The following CDK12 variants were observed in gnomAD, a reference collection of about 807,000 sequenced individuals.
CDK12 encodes cyclin-dependent kinase 12.
CDK12 carries 17 observed loss-of-function variants against 133.8 expected under a neutral mutation model. The observed-to-expected ratio is 0.13, with a 90% CI of 0.09 to 0.19. The LOEUF is 0.19. Among genes scored for constraint, CDK12 ranks in the 10% least tolerant of loss-of-function variants. CDK12 has a pLI of 1.00. For missense variants in CDK12, 1,508 were observed against 1,818.7 expected, an observed-to-expected ratio of 0.83 and a Z score of 3.11; for synonymous variants, 694 against 683.6, an observed-to-expected ratio of 1.02 and a Z score of -0.24.
chr17:39,471,904 T>C (rs1236536166), intron 2 of CDK12, 141 bp downstream of exon 2: 4 of 757,216 alleles, frequency 5.3e-6, no homozygotes, highest in Non-Finnish European at 8.4e-6. Context: ...TCTGTAATTA[T>C]GACATTATTA....
Position 39,519,581 on chromosome 17 carries a change from C to T in CDK12, c.2964-375C>T, listed in dbSNP as rs925574911. Among the ~76,000 whole-genome samples the T allele has an allele frequency of 1.5e-4, 22 of 150,536 alleles. No homozygotes were observed. In the South Asian group the frequency reaches 1.7e-3, roughly 12 times the overall value. On this transcript the variant is annotated intron_variant, in intron 10 of 13. Coordinates refer to ENST00000447079, the MANE Select transcript of CDK12 (RefSeq NM_016507.4). ...ACTGTAGGCATGAGCCACCATTGCA[C>T]ATCCTTTTTTTTTTTTTTTTTAAAA...
intron 11 of CDK12, among the ~76,000 whole-genome samples, chr17:39,522,360 T>C (rs1452311633): frequency 6.6e-6 from 1 of 152,204 alleles, no homozygotes; most frequent in Non-Finnish European, 1.5e-5. Context: ...GTGCTGGGAT[T>C]ACAGGCGTGA....
At chr17:39,478,461 T>TGGGATTGGAAGCATGAGCCAACGTGCC (rs2050386518) in intron 2 of CDK12, among the ~76,000 whole-genome samples, 7 of 152,170 alleles carry the variant, frequency 4.6e-5, no homozygotes, top group Non-Finnish European at 1.0e-4. Context: ...CCCATAGTGC[T>TGGGATTGGAAGCATGAGCCAACGTGCC]GGGATTGGAA....
chr17:39,537,813 C>T (rs1425724625), downstream of CDK12, among the ~76,000 whole-genome samples: 3 of 152,010 alleles, frequency 2.0e-5, no homozygotes, highest in East Asian at 1.9e-4. Context: ...CCACCCGCCT[C>T]GGCCTCCCAA....
chr17:39,511,248 G>A (rs1434218837), intron 7 of CDK12, among the ~76,000 whole-genome samples: 2 of 147,472 alleles, frequency 1.4e-5, no homozygotes, highest in African/African-American at 5.0e-5. Flanking sequence ...ATGAGATCTT[G>A]CTGTGTTGAC....
intron 2 of CDK12, among the ~76,000 whole-genome samples, chr17:39,555,197 A>T (rs2056107154): frequency 6.6e-6 from 1 of 152,058 alleles, no homozygotes; most frequent in African/African-American, 2.4e-5. Context: ...GTGAGCCGAG[A>T]TCGCACCACT....
In CDK12 at chr17:39,532,471, A is replaced by C. The variant is rs1005751390; in HGVS notation, c.*1155A>C. ...CATATATTTTTATGTCAAAAAAAAA[A>C]CAAAAACCTTTCAAACAGAGCATTG... On this transcript the variant is annotated 3_prime_UTR_variant, in exon 14 of 14. Transcript: ENST00000447079. 1.0e-4 allele frequency: 23 copies of C among 231,038 alleles called. No homozygotes were observed. The highest frequency in any genetic ancestry group is 1.6e-4 in the African/African-American group (7 of 44,994). The allele number at this position is 231,038 out of a possible 1,614,324, so 14.3% of individuals were successfully genotyped here.
At chr17:39,538,904 A>AATACATACATAC (rs199620122), downstream of CDK12, among the ~76,000 whole-genome samples, 328 of 145,000 alleles carry the variant, frequency 2.3e-3, no homozygotes, top group East Asian at 5.4e-3. Context: ...ATCTCAAATA[A>AATACATACATAC]ATACATACAT....
intron 5 of CDK12, among the ~76,000 whole-genome samples, chr17:39,496,782 T>C (rs2052150371): frequency 6.6e-6 from 1 of 152,110 alleles, no homozygotes. Context: ...TTATTTTCAT[T>C]GTATAGCATT....
Position 39,533,437 on chromosome 17 carries a change from C to G in CDK12, c.*2121C>G, listed in dbSNP as rs545742050. Reference sequence around the variant, plus strand: ...TGAATTTGAGTTATTGGGCCCCACTCCCTGTTTTTTATTAAAGAACGTGAG... The same window carrying G: ...TGAATTTGAGTTATTGGGCCCCACTGCCTGTTTTTTATTAAAGAACGTGAG... On this transcript the variant is annotated 3_prime_UTR_variant, in exon 14 of 14. Transcript: ENST00000447079. The G allele has an allele frequency of 8.6e-6, 2 of 233,110 alleles. No homozygotes were observed. The highest frequency in any genetic ancestry group is 1.7e-5 in the Non-Finnish European group (2 of 117,900). The allele number at this position is 233,110 out of a possible 1,614,324, so 14.4% of individuals were successfully genotyped here. A position where few individuals can be genotyped will look rare whatever the true frequency, so the allele number is the denominator to read the frequency against.
chr17:39,525,967 G>A lies in CDK12; in HGVS notation c.3411G>A (p.Leu1137=), dbSNP rs1163875386. ...TGAGCATCCCTCAAATGGCACAGCT[G>A]CTTAACATCCACTCCAACCCAGAGA... ...TDLSIPQMAQ[L]LNIHSNPEMQ... Residue 1137 remains leucine, a synonymous_variant, in exon 13 of 14, where the codon CTG becomes CTA. Transcript: ENST00000447079. 5 of 1,614,158 alleles carry A rather than the reference G, an allele frequency of 3.1e-6. No homozygotes were observed. The highest frequency in any genetic ancestry group is 3.3e-5 in the Admixed American group (2 of 60,002).
At chr17:39,488,925 T>C (rs2051350043) in intron 2 of CDK12, among the ~76,000 whole-genome samples, 2 of 151,846 alleles carry the variant, frequency 1.3e-5, no homozygotes, top group South Asian at 4.1e-4. Context: ...TATACCACCA[T>C]GTCCAGCTAA....
intron 3 of CDK12, among the ~76,000 whole-genome samples, chr17:39,491,490 C>A (rs1309587001): frequency 6.6e-6 from 1 of 152,044 alleles, no homozygotes; most frequent in Non-Finnish European, 1.5e-5. Flanking sequence ...ACCGCCTTGG[C>A]CTCCCAAAGT....
intron 2 of CDK12, among the ~76,000 whole-genome samples, chr17:39,490,297 G>A (rs757154810): frequency 2.6e-5 from 4 of 151,706 alleles, no homozygotes; most frequent in African/African-American, 7.3e-5. Context: ...AACCCAGGAG[G>A]CAGAGGTTGT....
chr17:39,551,183 A>G (rs1446419538), intron 2 of CDK12: 1 of 152,194 alleles, frequency 6.6e-6, no homozygotes, highest in Admixed American at 6.5e-5. Context: ...GGAAGAAGGT[A>G]TGCAGGATAT....
upstream of CDK12, among the ~76,000 whole-genome samples, chr17:39,543,204 T>C (rs1454836686): frequency 2.6e-5 from 4 of 152,216 alleles, no homozygotes; most frequent in African/African-American, 9.7e-5. Context: ...TCTCCTCTCC[T>C]TTATTTTAGT....
intron 3 of CDK12, among the ~76,000 whole-genome samples, chr17:39,562,887 TTTTC>T (rs145695882): frequency 0.52 from 61,741 of 118,164 alleles, 16,835 homozygotes; most frequent in South Asian, 0.81. Context: ...TCTCCTTTTT[TTTTC>T]TTTTTCTTTT....
chr17:39,476,577 C>A (rs1316327323), intron 2 of CDK12, among the ~76,000 whole-genome samples: 1 of 151,738 alleles, frequency 6.6e-6, no homozygotes, highest in Non-Finnish European at 1.5e-5. Context: ...CCATGTTCAA[C>A]TAATTTTGTA....
At chr17:39,493,783 T>C (rs759703411) in intron 4 of CDK12, among the ~76,000 whole-genome samples, 5 of 151,934 alleles carry the variant, frequency 3.3e-5, no homozygotes, top group Non-Finnish European at 5.9e-5. Flanking sequence ...GATCACGAGG[T>C]CAGGAGATTG....
Sources: allele counts gnomAD v4.1 joint callset (sites outside exome capture counted in the v4.1 genomes callset), GRCh38; gene constraint gnomAD v4.1.1; transcripts MANE v1.5; gene names NCBI Gene and HGNC (gene_info 2026-07-23, HGNC 2026-07-21).